PEBP4: variants seen among roughly 807,000 people sequenced by gnomAD.
PEBP4 encodes phosphatidylethanolamine binding protein 4.
In PEBP4, 22 loss-of-function variants were observed where a neutral mutation model predicts 23.9. The observed-to-expected ratio is 0.92, with a 90% CI of 0.66 to 1.31. The LOEUF (loss-of-function observed/expected upper bound fraction) is 1.31. PEBP4 is among the 40% of genes most tolerant of loss of function. The pLI is 0.00. For missense variants in PEBP4, 324 were observed against 281.7 expected, an observed-to-expected ratio of 1.15 and a Z score of -1.07; for synonymous variants, 112 against 99.3, an observed-to-expected ratio of 1.13 and a Z score of -0.76.
chr8:22,770,466 A>C (rs1585263556), intron 4 of PEBP4, among the ~76,000 whole-genome samples: 2 of 150,472 alleles, frequency 1.3e-5, no homozygotes, highest in East Asian at 2.0e-4. Context: ...CTCTCTCCCT[A>C]CCCTCCCACT....
At chr8:22,713,592 G>A in intron 6 of PEBP4, 56 bp from the exon 7 acceptor site, 2 of 1,611,854 alleles carry the variant, frequency 1.2e-6, no homozygotes, top group Non-Finnish European at 1.7e-6. Flanking sequence ...GGACTTGAAA[G>A]CTGGCAGGGG....
chr8:22,900,654 T>C (rs1336632223), intron 3 of PEBP4, among the ~76,000 whole-genome samples: 6 of 94,172 alleles, frequency 6.4e-5, no homozygotes, highest in East Asian at 3.2e-4. Context: ...AGACTCTGTC[T>C]CCAAAAAAAA....
At chr8:22,916,993 G>C (rs555678873) in intron 3 of PEBP4, among the ~76,000 whole-genome samples, 1 of 152,140 alleles carries the variant, frequency 6.6e-6, no homozygotes, top group East Asian at 1.9e-4. Context: ...GCATTGTGAC[G>C]GGAGCAGGGT....
chr8:22,844,201 A>T (rs1003329369), intron 3 of PEBP4, among the ~76,000 whole-genome samples: 1 of 152,224 alleles, frequency 6.6e-6, no homozygotes, highest in Non-Finnish European at 1.5e-5. Flanking sequence ...GTACTAAAGG[A>T]AATCCTGGAT....
Position 22,878,569 on chromosome 8 carries a change from G to T in PEBP4, c.258+41615C>A, listed in dbSNP as rs565275740. 2.6e-5 allele frequency among the ~76,000 whole-genome samples: 4 copies of T among 152,316 alleles called. No individual in the cohort carries two copies. In the East Asian group the frequency reaches 7.7e-4, roughly 29 times the overall value. On this transcript the variant is annotated intron_variant, in intron 3 of 6. Coordinates refer to ENST00000256404, the MANE Select transcript of PEBP4 (RefSeq NM_144962.3). ...ATCTAATCACAAAGCGCAGACAGGT[G>T]GGGAGGGCTTCCCTCTCCGGGCCTG...
Position 22,782,006 on chromosome 8 carries a change from G to A in PEBP4, c.357+35631C>T, listed in dbSNP as rs559624971. On this transcript the variant is annotated intron_variant, in intron 4 of 6. Coordinates refer to ENST00000256404, the MANE Select transcript of PEBP4 (RefSeq NM_144962.3). ...CCCCTCTTTAATCTCAGCAGCCATG[G>A]TGGGTGAGAGGATCTGGGATTCCGT... 7.9e-5 allele frequency among the ~76,000 whole-genome samples: 12 copies of A among 152,364 alleles called. No homozygotes were observed. The East Asian group carries it at 2.3e-3, about 29-fold the overall frequency.
chr8:22,793,026 T>C (rs1806172218), intron 4 of PEBP4, among the ~76,000 whole-genome samples: 1 of 152,212 alleles, frequency 6.6e-6, no homozygotes, highest in Admixed American at 6.5e-5. Context: ...ATATATATTA[T>C]AGAAAATTTG....
In PEBP4 at chr8:22,835,400, C is replaced by T. The variant is rs889388012; in HGVS notation, c.259-17665G>A. Among the ~76,000 whole-genome samples, 11 of 152,200 alleles carry T rather than the reference C, an allele frequency of 7.2e-5. 1 individual carries two copies. Among genetic ancestry groups the T allele is most frequent in the Non-Finnish European group, 1.3e-4 (9 of 68,040 alleles). ...ACTTCCTCCAAATGGTCCATATCTC[C>T]AGCTGCCTGGAGCCAGAGAGACTGA... is the stretch of plus-strand genomic sequence containing the variant. On this transcript the variant is annotated intron_variant, in intron 3 of 6. Coordinates refer to ENST00000256404, the MANE Select transcript of PEBP4 (RefSeq NM_144962.3).
intron 4 of PEBP4, among the ~76,000 whole-genome samples, chr8:22,815,526 C>A (rs1016008043): frequency 6.6e-6 from 1 of 152,188 alleles, no homozygotes; most frequent in Non-Finnish European, 1.5e-5. Flanking sequence ...TGGTTGACAC[C>A]GTCTCTGTGG....
intron 4 of PEBP4, among the ~76,000 whole-genome samples, chr8:22,734,628 C>G (rs1014779675): frequency 1.3e-5 from 2 of 152,142 alleles, no homozygotes; most frequent in African/African-American, 4.8e-5. Flanking sequence ...GGTTTTGATT[C>G]CTAGTTTGGC....
intron 1 of PEBP4, among the ~76,000 whole-genome samples, chr8:22,932,946 A>C (rs1809480827): frequency 6.6e-6 from 1 of 150,464 alleles, no homozygotes; most frequent in Non-Finnish European, 1.5e-5. Flanking sequence ...CGGAGATTGC[A>C]GTGAGCCAAG....
At chr8:22,783,916 A>T (rs1340460592) in intron 4 of PEBP4, among the ~76,000 whole-genome samples, 1 of 152,208 alleles carries the variant, frequency 6.6e-6, no homozygotes, top group Non-Finnish European at 1.5e-5. Flanking sequence ...GTGGGCCACC[A>T]CGCTGGTCTG....
At chr8:22,875,406 G>A (rs904566089) in intron 3 of PEBP4, among the ~76,000 whole-genome samples, 2 of 151,888 alleles carry the variant, frequency 1.3e-5, no homozygotes, top group African/African-American at 2.4e-5. Flanking sequence ...TTTGTTGTGC[G>A]GATTACTTCA....
chr8:22,932,167 T>C (rs1809466835), upstream of PEBP4, among the ~76,000 whole-genome samples: 1 of 152,216 alleles, frequency 6.6e-6, no homozygotes, highest in Non-Finnish European at 1.5e-5. Flanking sequence ...TGATTCCATT[T>C]ATATGAAATG....
chr8:22,731,379 T>C (rs1222064025), intron 4 of PEBP4, among the ~76,000 whole-genome samples: 1 of 152,210 alleles, frequency 6.6e-6, no homozygotes, highest in Non-Finnish European at 1.5e-5. Context: ...ACTTAACAAA[T>C]AGGAAGTATA....
intron 4 of PEBP4, among the ~76,000 whole-genome samples, chr8:22,750,040 A>G (rs984791916): frequency 6.6e-6 from 1 of 151,750 alleles, no homozygotes; most frequent in African/African-American, 2.4e-5. Context: ...TCCCGACCTC[A>G]TGTGATCCGC....
chr8:22,892,932 T>C (rs1010379836), intron 3 of PEBP4, among the ~76,000 whole-genome samples: 10 of 152,090 alleles, frequency 6.6e-5, no homozygotes, highest in Admixed American at 4.6e-4. Context: ...GTTGAGGAGA[T>C]AGAGCTCAAG....
At chr8:22,772,597 T>C (rs1805738744) in intron 4 of PEBP4, among the ~76,000 whole-genome samples, 1 of 150,654 alleles carries the variant, frequency 6.6e-6, no homozygotes, top group Non-Finnish European at 1.5e-5. Context: ...CTGGCCTCAG[T>C]TGATCCTCCT....
At chr8:22,758,501 G>T (rs2128752703) in intron 4 of PEBP4, among the ~76,000 whole-genome samples, 1 of 152,354 alleles carries the variant, frequency 6.6e-6, no homozygotes, top group East Asian at 1.9e-4. Flanking sequence ...GCTGTCGTTT[G>T]CAGGGGGCCG....
Sources: allele counts gnomAD v4.1 joint callset (sites outside exome capture counted in the v4.1 genomes callset), GRCh38; gene constraint gnomAD v4.1.1; transcripts MANE v1.5; gene names NCBI Gene and HGNC (gene_info 2026-07-23, HGNC 2026-07-21).